RBFOX3: variants seen among roughly 807,000 people sequenced by gnomAD.
The protein encoded by RBFOX3 is RNA binding protein fox-1 homolog 3.
Under a neutral mutation model 48.7 loss-of-function variants are expected in RBFOX3, and 17 were observed. The observed-to-expected ratio is 0.35, with a 90% confidence interval of 0.24 to 0.52. The LOEUF is 0.52. Ranked by LOEUF, RBFOX3 falls within the 20% of genes least tolerant of loss-of-function variation. The pLI, the probability that RBFOX3 is intolerant of heterozygous loss-of-function variation, is 0.94. For synonymous variants in RBFOX3, 212 were observed against 209.5 expected (o/e 1.01, Z -0.10); for missense variants, 382 against 497.5 (o/e 0.77, Z 2.21).
chr17:79,118,975 CA>C (rs767042086), intron 4 of RBFOX3, among the ~76,000 whole-genome samples: 4,002 of 75,716 alleles, frequency 0.053, 109 homozygotes, highest in Admixed American at 0.14. Context: ...ACCCCTGTCT[CA>C]AAAAAAAAAA....
intron 2 of RBFOX3, among the ~76,000 whole-genome samples, chr17:79,432,389 G>C (rs1555728882): frequency 6.6e-6 from 1 of 152,134 alleles, no homozygotes; most frequent in Non-Finnish European, 1.5e-5. Context: ...TCACCTCTTG[G>C]GCCAGGCGGC....
intron 1 of RBFOX3, among the ~76,000 whole-genome samples, chr17:79,517,553 G>T (rs2085436592): frequency 2.7e-4 from 1 of 3,712 alleles, no homozygotes; most frequent in Admixed American, 3.9e-3. Context: ...TGGGGTTCAG[G>T]GGCCCCCATT....
chr17:79,117,963 C>T (rs1188094295), intron 4 of RBFOX3, among the ~76,000 whole-genome samples: 2 of 152,190 alleles, frequency 1.3e-5, no homozygotes, highest in Admixed American at 6.5e-5. Flanking sequence ...GGGTGTTCTG[C>T]TTCAGACCCG....
intron 2 of RBFOX3, among the ~76,000 whole-genome samples, chr17:79,445,602 C>T (rs1555737723): frequency 6.6e-6 from 1 of 152,198 alleles, no homozygotes; most frequent in African/African-American, 2.4e-5. Context: ...CCTTGCTGTG[C>T]CGAGCTCAGA....
chr17:79,559,746 T>C (rs1177378347), intron 1 of RBFOX3, among the ~76,000 whole-genome samples: 1 of 136,606 alleles, frequency 7.3e-6, no homozygotes, highest in Non-Finnish European at 1.6e-5. Context: ...AATGAATGGG[T>C]AGATGGATGG....
the RBFOX3 span, among the ~76,000 whole-genome samples, chr17:79,631,836 C>G: frequency 2.0e-5 from 3 of 152,214 alleles, no homozygotes; most frequent in Non-Finnish European, 4.4e-5. Context: ...AAGAAGGATG[C>G]CAGCTCTGTG....
At chr17:79,502,189 T>C (rs1461054992) in intron 1 of RBFOX3, among the ~76,000 whole-genome samples, 1 of 152,204 alleles carries the variant, frequency 6.6e-6, no homozygotes, top group Non-Finnish European at 1.5e-5. Context: ...ATGAAAGGGC[T>C]TTGAAAACAT....
intron 4 of RBFOX3, among the ~76,000 whole-genome samples, chr17:79,165,649 G>T (rs1033251746): frequency 1.3e-5 from 2 of 152,216 alleles, no homozygotes; most frequent in African/African-American, 4.8e-5. Context: ...CGCCGGCCGG[G>T]GTCCCTGGCT....
chr17:79,126,068 A>G (rs933246933), intron 4 of RBFOX3, among the ~76,000 whole-genome samples: 3 of 152,200 alleles, frequency 2.0e-5, no homozygotes, highest in Non-Finnish European at 4.4e-5. Context: ...CAGAGGGGAC[A>G]CCGAGGCCAG....
At chr17:79,244,103 T>C (rs1329321362) in intron 3 of RBFOX3, among the ~76,000 whole-genome samples, 2 of 152,186 alleles carry the variant, frequency 1.3e-5, no homozygotes, top group African/African-American at 4.8e-5. Context: ...TCCGGAACCT[T>C]ATTTGGAAAC....
chr17:79,530,159 T>A (rs2087495937), intron 1 of RBFOX3, among the ~76,000 whole-genome samples: 1 of 151,998 alleles, frequency 6.6e-6, no homozygotes, highest in African/African-American at 2.4e-5. Flanking sequence ...ATCGGCAAAG[T>A]GAGTTTTCTT....
At chr17:79,511,228 T>G (rs1452119133) in intron 1 of RBFOX3, among the ~76,000 whole-genome samples, 1 of 152,146 alleles carries the variant, frequency 6.6e-6, no homozygotes, top group African/African-American at 2.4e-5. Context: ...CCAGGAGGTG[T>G]TTGCAGGGTT....
intron 3 of RBFOX3, among the ~76,000 whole-genome samples, chr17:79,276,292 TTGC>T (rs1331989488): frequency 6.6e-6 from 1 of 152,202 alleles, no homozygotes; most frequent in East Asian, 1.9e-4. Context: ...ATGGTGATGG[TTGC>T]CCAACTCTGA....
At chr17:79,238,484 C>T (rs376487562) in intron 3 of RBFOX3, among the ~76,000 whole-genome samples, 19 of 152,202 alleles carry the variant, frequency 1.2e-4, no homozygotes, top group East Asian at 5.8e-4. Context: ...CGAACACCTC[C>T]GTGTCCCCTG....
chr17:79,456,982 G>A (rs2074604393), intron 2 of RBFOX3, among the ~76,000 whole-genome samples: 1 of 152,234 alleles, frequency 6.6e-6, no homozygotes, highest in Non-Finnish European at 1.5e-5. Flanking sequence ...AATTGTATGT[G>A]TGTGTTATAG....
At chr17:79,167,677 C>T (rs2048303482) in intron 4 of RBFOX3, among the ~76,000 whole-genome samples, 1 of 152,178 alleles carries the variant, frequency 6.6e-6, no homozygotes, top group Non-Finnish European at 1.5e-5. Context: ...TTGGTGGGTC[C>T]CCTGCAGTCC....
intron 2 of RBFOX3, among the ~76,000 whole-genome samples, chr17:79,415,045 CAA>C (rs1172244932): frequency 1.3e-5 from 2 of 152,184 alleles, no homozygotes. Flanking sequence ...CACATGCGGA[CAA>C]AGACTCACAC....
chr17:79,373,945 G>A (rs1320430731), intron 2 of RBFOX3, among the ~76,000 whole-genome samples: 2 of 152,238 alleles, frequency 1.3e-5, no homozygotes, highest in South Asian at 2.1e-4. Context: ...TGCAACTTCC[G>A]TCTCCAGGGT....
intron 2 of RBFOX3, among the ~76,000 whole-genome samples, chr17:79,429,021 G>A (rs974298864): frequency 6.6e-6 from 1 of 152,044 alleles, no homozygotes; most frequent in Admixed American, 6.5e-5. Context: ...GACTCCCCCA[G>A]AGAGACTCTT....
Sources: allele counts gnomAD v4.1 joint callset (sites outside exome capture counted in the v4.1 genomes callset), GRCh38; gene constraint gnomAD v4.1.1; transcripts MANE v1.5; gene names NCBI Gene and HGNC (gene_info 2026-07-23, HGNC 2026-07-21).